Variants in PADI1 observed in about 807,000 individuals in gnomAD.
The protein encoded by PADI1 is peptidyl arginine deiminase 1, also known as protein-arginine deiminase type-1.
In PADI1, 65 loss-of-function variants were observed where a neutral mutation model predicts 74.8. That is an observed-to-expected ratio of 0.87 (90% CI 0.71 to 1.07). The LOEUF (loss-of-function observed/expected upper bound fraction) is 1.07, where lower values mean the gene tolerates loss of function less well. PADI1 is among the 50% of genes least tolerant of loss of function. PADI1 has a pLI of 0.00. For synonymous variants in PADI1, 371 were observed against 336.2 expected (o/e 1.10, Z -1.13); for missense variants, 943 against 854.0 (o/e 1.10, Z -1.30).
rs1486638014 is a variant in PADI1, at chr1:17,244,404, T to C, written c.*161T>C. 1.4e-6 allele frequency: 1 copy of C among 700,170 alleles called. No homozygotes were observed. The highest frequency in any genetic ancestry group is 1.5e-5 in the South Asian group (1 of 66,886). 43.4% of individuals were successfully genotyped at this position (700,170 alleles called of 1,614,324 possible). On this transcript the variant is annotated 3_prime_UTR_variant, in exon 16 of 16. Transcript: ENST00000375471. Reference sequence around the variant, plus strand: ...CCAGGACACAGGGATGGATACCACCTACCCTCGCCTCTGGAATGGCCTACC... The same window carrying C: ...CCAGGACACAGGGATGGATACCACCCACCCTCGCCTCTGGAATGGCCTACC...
intron 1 of PADI1, among the ~76,000 whole-genome samples, chr1:17,212,520 T>G (rs986511867): frequency 6.6e-6 from 1 of 152,122 alleles, no homozygotes; most frequent in African/African-American, 2.4e-5. Context: ...CATTCCTCTG[T>G]GACTGCTGTA....
chr1:17,227,319 G>A (rs1489666102), intron 6 of PADI1, among the ~76,000 whole-genome samples: 4 of 151,482 alleles, frequency 2.6e-5, no homozygotes, highest in Non-Finnish European at 4.4e-5. Flanking sequence ...AGGCCAAGGC[G>A]GGAGGATCAC....
chr1:17,231,041 C>T (rs955991506), intron 10 of PADI1, among the ~76,000 whole-genome samples: 3 of 152,130 alleles, frequency 2.0e-5, no homozygotes, highest in African/African-American at 7.2e-5. Flanking sequence ...GCCTGCACGG[C>T]TCTTGTTCTT....
chr1:17,228,177 A>G (rs2072376637), intron 6 of PADI1, among the ~76,000 whole-genome samples: 1 of 152,120 alleles, frequency 6.6e-6, no homozygotes, highest in South Asian at 2.1e-4. Flanking sequence ...TTTTTTGTAG[A>G]GATGGGGTCT....
intron 14 of PADI1, 65 bp from the exon 15 acceptor site, chr1:17,240,570 A>G: frequency 3.8e-6 from 6 of 1,579,016 alleles, no homozygotes; most frequent in Non-Finnish European, 5.2e-6. Context: ...CCCAGCGCAC[A>G]GTAGGTGCTT....
At position 17,244,602 on chromosome 1, in the gene PADI1, G is replaced by C. The variant is rs569224563; in HGVS notation, c.*359G>C. 6.7e-5 allele frequency: 26 copies of C among 388,678 alleles called. No homozygotes were observed. Among genetic ancestry groups the C allele is most frequent in the Admixed American group, 2.1e-4 (7 of 32,868 alleles). 24.1% of individuals were successfully genotyped at this position (388,678 alleles called of 1,614,324 possible). ...TTCTGATGCCTCCCTGGGGAACAAG[G>C]ATAATGACTTTGCATCTGCACCTGG... On this transcript the variant is annotated 3_prime_UTR_variant, in exon 16 of 16. Coordinates refer to ENST00000375471, the MANE Select transcript of PADI1 (RefSeq NM_013358.3).
chr1:17,224,187 C>G (rs1002781845), intron 3 of PADI1, among the ~76,000 whole-genome samples, 180 bp from the exon 4 acceptor site: 1 of 152,186 alleles, frequency 6.6e-6, no homozygotes, highest in Non-Finnish European at 1.5e-5. Context: ...TTGGGTCCCT[C>G]CAACTCCCAG....
intron 8 of PADI1, among the ~76,000 whole-genome samples, chr1:17,229,707 AC>A (rs1359668667): frequency 1.3e-5 from 2 of 151,722 alleles, no homozygotes; most frequent in African/African-American, 4.8e-5. Flanking sequence ...CTGCTTGCTA[AC>A]CCCACCCTGA....
At chr1:17,233,901 A>G (rs914977388) in intron 11 of PADI1, among the ~76,000 whole-genome samples, 1 of 152,220 alleles carries the variant, frequency 6.6e-6, no homozygotes, top group Non-Finnish European at 1.5e-5. Flanking sequence ...GGGTGCCCAG[A>G]CAGGATGCCT....
At chr1:17,223,264 C>A in intron 2 of PADI1, among the ~76,000 whole-genome samples, 1 of 152,120 alleles carries the variant, frequency 6.6e-6, no homozygotes, top group East Asian at 1.9e-4. Context: ...GAGGAACTAC[C>A]CGAGGCTTAG....
intron 6 of PADI1, among the ~76,000 whole-genome samples, chr1:17,227,170 C>T (rs1258719850): frequency 6.7e-6 from 1 of 148,370 alleles, no homozygotes; most frequent in Non-Finnish European, 1.5e-5. Flanking sequence ...GCACTCCAGC[C>T]TGGGTGAGTG....
intron 1 of PADI1, among the ~76,000 whole-genome samples, chr1:17,214,331 C>G (rs892695124): frequency 2.0e-5 from 3 of 152,020 alleles, no homozygotes; most frequent in Middle Eastern, 3.2e-3. Context: ...ATGCAAAAGA[C>G]CCCCCTGCCC....
chr1:17,221,468 CAAG>C (rs1384608323), intron 1 of PADI1, among the ~76,000 whole-genome samples: 23 of 46,708 alleles, frequency 4.9e-4, no homozygotes, highest in South Asian at 6.4e-4. Context: ...GACTCTGTCT[CAAG>C]AAAAAAAAAA....
In PADI1 at chr1:17,244,780, C is replaced by T. The variant is rs556221240; in HGVS notation, c.*537C>T. 41 of 312,556 alleles carry T rather than the reference C, an allele frequency of 1.3e-4. No individual in the cohort carries two copies. Among genetic ancestry groups the T allele is most frequent in the African/African-American group, 8.4e-4 (39 of 46,246 alleles). 19.4% of individuals were successfully genotyped at this position (312,556 alleles called of 1,614,324 possible). A position where few individuals can be genotyped will look rare whatever the true frequency, so the allele number is the denominator to read the frequency against. Reference sequence around the variant, plus strand: ...AGGCTGTGACACTTACCTCCACCCCCATCCAGCACCCTTCAGCTGTGTGTG... The same window carrying T: ...AGGCTGTGACACTTACCTCCACCCCTATCCAGCACCCTTCAGCTGTGTGTG... On this transcript the variant is annotated 3_prime_UTR_variant, in exon 16 of 16. Transcript: ENST00000375471.
intron 1 of PADI1, among the ~76,000 whole-genome samples, chr1:17,220,663 A>G (rs77370878): frequency 2.0e-3 from 302 of 151,926 alleles, no homozygotes; most frequent in Middle Eastern, 6.8e-3. Context: ...GCCGTGGGGG[A>G]TGATGTTGGA....
At chr1:17,213,757 C>T (rs1186724363) in intron 1 of PADI1, among the ~76,000 whole-genome samples, 1 of 152,196 alleles carries the variant, frequency 6.6e-6, no homozygotes, top group African/African-American at 2.4e-5. Context: ...AACATGCTGC[C>T]TTATGCCATA....
chr1:17,226,845 C>T (rs779117951), intron 6 of PADI1, among the ~76,000 whole-genome samples: 25 of 151,748 alleles, frequency 1.6e-4, no homozygotes, highest in Non-Finnish European at 2.5e-4. Context: ...GTCAGGAGAT[C>T]GAGAACATCC....
rs760824954 is a variant in PADI1, at chr1:17,222,398, T to C, written c.201T>C (p.Arg67=). ...TGAAAGAGCCCATAGGCAAGGCCCG[T>C]TGGCCGCTAGACACTGATGCAGACA... ...TRVKEPIGKA[R]WPLDTDADMV... is the part of the protein sequence containing the mutation. Residue 67 remains arginine, a synonymous_variant, in exon 2 of 16, where the codon CGT becomes CGC. Coordinates refer to ENST00000375471, the MANE Select transcript of PADI1 (RefSeq NM_013358.3). 2.5e-6 allele frequency: 4 copies of C among 1,614,114 alleles called. No individual in the cohort carries two copies. Among genetic ancestry groups the C allele is most frequent in the Non-Finnish European group, 3.4e-6 (4 of 1,179,964 alleles).
At chr1:17,240,482 C>CG (rs1199995647) in intron 14 of PADI1, 153 bp from the exon 15 acceptor site, 6 of 783,556 alleles carry the variant, frequency 7.7e-6, no homozygotes, top group Non-Finnish European at 1.2e-5. Flanking sequence ...CAGTTTCCCC[C>CG]GGACAGCAAT....
Sources: gnomAD v4.1 joint callset for allele counts (sites outside exome capture counted in the v4.1 genomes callset) on GRCh38, gnomAD v4.1.1 for gene constraint, MANE v1.5 for transcripts, NCBI Gene and HGNC (gene_info 2026-07-23, HGNC 2026-07-21) for gene names.